PRIMA1: variants seen among roughly 807,000 people sequenced by gnomAD.
PRIMA1 encodes proline-rich membrane anchor 1.
Under a neutral mutation model 17.5 loss-of-function variants are expected in PRIMA1, and 7 were observed. That is an observed-to-expected ratio of 0.40 (90% CI 0.23 to 0.75). The LOEUF (loss-of-function observed/expected upper bound fraction) is 0.75. Ranked by LOEUF, PRIMA1 falls within the 30% of genes least tolerant of loss-of-function variation. PRIMA1 has a pLI of 0.37. For synonymous variants in PRIMA1, 97 were observed against 77.9 expected, an observed-to-expected ratio of 1.25 and a Z score of -1.29; for missense variants, 200 against 201.8, an observed-to-expected ratio of 0.99 and a Z score of 0.05.
intron 2 of PRIMA1, among the ~76,000 whole-genome samples, chr14:93,782,275 A>ATACATACATAC (rs1555418913): frequency 6.9e-6 from 1 of 144,434 alleles, no homozygotes; most frequent in African/African-American, 2.7e-5. Flanking sequence ...CTCAAAAATA[A>ATACATACATAC]ATAAATAAAT....
At chr14:93,785,127 TTGA>T (rs1255862418) in intron 2 of PRIMA1, among the ~76,000 whole-genome samples, 12 of 147,650 alleles carry the variant, frequency 8.1e-5, no homozygotes, top group African/African-American at 3.0e-4. Flanking sequence ...CCACGGTAAC[TTGA>T]TGAGACATAC....
At chr14:93,787,562 G>GAA in intron 2 of PRIMA1, 64 bp downstream of exon 2, 1 of 1,535,026 alleles carries the variant, frequency 6.5e-7, no homozygotes, top group East Asian at 2.4e-5. Context: ...TCTCAGGAGG[G>GAA]AAGGGACAGC....
intron 4 of PRIMA1, among the ~76,000 whole-genome samples, chr14:93,734,888 C>T (rs553871887): frequency 9.9e-5 from 15 of 152,236 alleles, no homozygotes; most frequent in Non-Finnish European, 1.5e-4. Flanking sequence ...GACAGGAGGC[C>T]CCTCTATAGC....
intron 4 of PRIMA1, among the ~76,000 whole-genome samples, chr14:93,732,770 C>T (rs556775820): frequency 5.3e-5 from 8 of 152,308 alleles, no homozygotes; most frequent in South Asian, 2.1e-4. Flanking sequence ...AGAGGGAAAA[C>T]GGAGGCCACA....
At chr14:93,763,980 G>A (rs1014680771) in intron 3 of PRIMA1, among the ~76,000 whole-genome samples, 5 of 152,032 alleles carry the variant, frequency 3.3e-5, no homozygotes, top group East Asian at 1.9e-4. Context: ...CGGGATCTCC[G>A]TGTGTCACAT....
intron 4 of PRIMA1, among the ~76,000 whole-genome samples, chr14:93,722,935 T>G (rs2076051739): frequency 6.6e-6 from 1 of 152,014 alleles, no homozygotes; most frequent in Admixed American, 6.5e-5. Flanking sequence ...AGAGGGCCCC[T>G]AACCCCAAAA....
chr14:93,722,830 C>T (rs996351227), intron 4 of PRIMA1, among the ~76,000 whole-genome samples: 10 of 2,590 alleles, frequency 3.9e-3, no homozygotes, highest in East Asian at 0.011. Context: ...GTAATGGCAG[C>T]GGTGGTAGCA....
intron 3 of PRIMA1, among the ~76,000 whole-genome samples, chr14:93,750,585 A>T (rs1321893421): frequency 6.6e-6 from 1 of 152,194 alleles, no homozygotes; most frequent in Non-Finnish European, 1.5e-5. Flanking sequence ...TGAAACACAG[A>T]CACACCTATT....
At chr14:93,727,694 A>G (rs10438212) in intron 4 of PRIMA1, among the ~76,000 whole-genome samples, 129,377 of 151,848 alleles carry the variant, frequency 0.85, 56,102 homozygotes, top group Middle Eastern at 0.98. Flanking sequence ...GAGGTCCTAT[A>G]CAGAACAGGT....
intron 3 of PRIMA1, among the ~76,000 whole-genome samples, chr14:93,759,080 A>G (rs1293157723): frequency 6.6e-6 from 1 of 152,216 alleles, no homozygotes; most frequent in Non-Finnish European, 1.5e-5. Context: ...GCTTTCCATG[A>G]TAGCAACGGG....
chr14:93,722,875 A>C (rs1207796582), intron 4 of PRIMA1, among the ~76,000 whole-genome samples: 1 of 73,794 alleles, frequency 1.4e-5, no homozygotes, highest in African/African-American at 5.0e-5. Context: ...AAGTTAGTAC[A>C]CATCAGTGGT....
At chr14:93,787,268 G>T (rs566681390) in intron 2 of PRIMA1, among the ~76,000 whole-genome samples, 2 of 152,352 alleles carry the variant, frequency 1.3e-5, no homozygotes, top group South Asian at 4.1e-4. Context: ...AAGTTCATCA[G>T]TGGTTCTGGT....
chr14:93,747,921 T>TG (rs376032461), intron 3 of PRIMA1, among the ~76,000 whole-genome samples: 22,204 of 69,218 alleles, frequency 0.32, 3,431 homozygotes, highest in African/African-American at 0.5. Flanking sequence ...GGGGACTGTG[T>TG]GGAGTGTGAT....
chr14:93,780,057 C>T lies in PRIMA1; in HGVS notation c.94-746G>A, dbSNP rs554398914. ...ATCCCTGACAACCTCTCCGGCCCCA[C>T]CTCGTCCCATGCTCTCTCCCCATCT... On this transcript the variant is annotated intron_variant, in intron 2 of 4. Transcript: ENST00000393140. Among the ~76,000 whole-genome samples the T allele has an allele frequency of 2.0e-5, 3 of 152,368 alleles. No individual in the cohort carries two copies. In the South Asian group the frequency reaches 6.2e-4, roughly 32 times the overall value.
intron 2 of PRIMA1, among the ~76,000 whole-genome samples, chr14:93,781,917 G>T (rs1384154955): frequency 2.0e-5 from 3 of 152,168 alleles, no homozygotes; most frequent in African/African-American, 7.2e-5. Flanking sequence ...AGGCTGCAGA[G>T]AGCCAAGATC....
At chr14:93,769,652 G>GA (rs1452824776) in intron 3 of PRIMA1, among the ~76,000 whole-genome samples, 1 of 152,172 alleles carries the variant, frequency 6.6e-6, no homozygotes, top group Non-Finnish European at 1.5e-5. Context: ...CGGGTCACGG[G>GA]GACTGGCTTC....
chr14:93,773,886 G>A (rs771862893), intron 3 of PRIMA1, among the ~76,000 whole-genome samples: 3 of 152,180 alleles, frequency 2.0e-5, no homozygotes, highest in African/African-American at 4.8e-5. Flanking sequence ...CTGAGGTCAG[G>A]AGTTTGAGAC....
chr14:93,763,316 T>G (rs1185222414), intron 3 of PRIMA1, among the ~76,000 whole-genome samples: 4 of 152,196 alleles, frequency 2.6e-5, no homozygotes, highest in Admixed American at 6.5e-5. Flanking sequence ...GTGACAGCAC[T>G]GGGGGTCCCT....
chr14:93,725,741 T>A (rs576018305), intron 4 of PRIMA1: 1 of 346,844 alleles, frequency 2.9e-6, no homozygotes, highest in Admixed American at 3.8e-5. Context: ...AAATGTTTGT[T>A]AGCTCTCAGT....
Sources: gnomAD v4.1 joint callset for allele counts (sites outside exome capture counted in the v4.1 genomes callset) on GRCh38, gnomAD v4.1.1 for gene constraint, MANE v1.5 for transcripts, NCBI Gene and HGNC (gene_info 2026-07-23, HGNC 2026-07-21) for gene names.